Variants in NOD1 observed in about 807,000 individuals in gnomAD.
NOD1 encodes the protein nucleotide-binding oligomerization domain-containing protein 1.
Under a neutral mutation model 81.2 loss-of-function variants are expected in NOD1, and 70 were observed. The observed-to-expected ratio is 0.86, with a 90% CI of 0.71 to 1.05. NOD1 has a LOEUF of 1.05. NOD1 is among the 50% of genes least tolerant of loss of function. The pLI, the probability that NOD1 is intolerant of heterozygous loss-of-function variation, is 0.00. For synonymous variants in NOD1, 508 were observed against 526.9 expected (o/e 0.96, Z 0.49); for missense variants, 1,233 against 1,228.0 (o/e 1.00, Z -0.06).
chr7:30,434,787 C>G (rs915093376), intron 11 of NOD1, among the ~76,000 whole-genome samples: 4 of 152,186 alleles, frequency 2.6e-5, no homozygotes, highest in Admixed American at 6.5e-5. Context: ...AATGCACTTA[C>G]TGGACAGCAG....
At chr7:30,441,079 C>T in intron 9 of NOD1, among the ~76,000 whole-genome samples, 1 of 12,444 alleles carries the variant, frequency 8.0e-5, no homozygotes. Flanking sequence ...CACCACCAGG[C>T]CTGCCCTAAA....
intron 13 of NOD1, among the ~76,000 whole-genome samples, chr7:30,428,762 G>A (rs5743367): frequency 0.17 from 26,083 of 151,984 alleles, 2,975 homozygotes; most frequent in African/African-American, 0.33. Context: ...CCAGTCCCAC[G>A]TCACCCAGGC....
At chr7:30,434,957 T>TAG (rs1254464279) in intron 11 of NOD1, among the ~76,000 whole-genome samples, 2 of 151,784 alleles carry the variant, frequency 1.3e-5, no homozygotes, top group African/African-American at 4.8e-5. Flanking sequence ...TTTTTGTAGA[T>TAG]AGAGGGTCTC....
intron 3 of NOD1, among the ~76,000 whole-genome samples, chr7:30,457,654 A>G (rs1224608169): frequency 1.3e-5 from 2 of 152,110 alleles, no homozygotes; most frequent in Non-Finnish European, 2.9e-5. Flanking sequence ...TTTATTTTAC[A>G]TAATAAGGTT....
intron 12 of NOD1, among the ~76,000 whole-genome samples, chr7:30,432,160 G>A (rs1474678705): frequency 6.6e-6 from 1 of 151,684 alleles, no homozygotes; most frequent in East Asian, 1.9e-4. Flanking sequence ...TCAAGAAAGA[G>A]GAAAAACTCC....
intron 8 of NOD1, chr7:30,446,473 C>T (rs978533564): frequency 7.7e-6 from 4 of 521,672 alleles, no homozygotes; most frequent in South Asian, 6.6e-5. Flanking sequence ...CTGAGCCCTC[C>T]CTGGGGTCCT....
Position 30,451,346 on chromosome 7 carries a change from C to T in NOD1, c.2071G>A (p.Asp691Asn), listed in dbSNP as rs938077961. 1.9e-6 allele frequency: 3 copies of T among 1,614,190 alleles called. No individual in the cohort carries two copies. Among genetic ancestry groups the T allele is most frequent in the African/African-American group, 1.3e-5 (1 of 75,060 alleles). The change falls in exon 6 of 14, where the codon GAC (aspartate) becomes AAC (asparagine). Residue 691 changes from aspartate (D) to asparagine (N), a missense_variant. Coordinates refer to ENST00000222823, the MANE Select transcript of NOD1 (RefSeq NM_006092.4). The surrounding 1 kb of genome is among the most constrained non-coding windows in gnomAD (Gnocchi z 4.2). ...KLTYCNACSA[D>N]CSALSFVLHH... is the part of the protein sequence containing the mutation. Reference sequence around the variant, plus strand: ...AGGACGAAGGAGAGGGCGCTGCAGTCGGCCGAGCAGGCGTTGCAGTAGGTC... The same window carrying T: ...AGGACGAAGGAGAGGGCGCTGCAGTTGGCCGAGCAGGCGTTGCAGTAGGTC...
At position 30,467,189 on chromosome 7, in the gene NOD1, CA is replaced by C. The variant is rs1787783260; in HGVS notation, c.-351-7149del. On this transcript the variant is annotated intron_variant, in intron 1 of 13. Coordinates refer to ENST00000222823, the MANE Select transcript of NOD1 (RefSeq NM_006092.4). The surrounding 1 kb of genome is among the most constrained non-coding windows in gnomAD (Gnocchi z 4.5). ...TGGCTTGCCCACATCCCCTGCCCTCCAAATACACAAAGCACTCCACGTTCTC... is the reference window on the plus strand; with the variant it reads ...TGGCTTGCCCACATCCCCTGCCCTCCAATACACAAAGCACTCCACGTTCTC... 1.3e-5 allele frequency among the ~76,000 whole-genome samples: 2 copies of C among 152,164 alleles called. 1 individual carries two copies. The highest frequency in any genetic ancestry group is 4.8e-5 in the African/African-American group (2 of 41,442).
chr7:30,438,706 A>G (rs900591933), intron 9 of NOD1, among the ~76,000 whole-genome samples: 2 of 152,228 alleles, frequency 1.3e-5, no homozygotes, highest in African/African-American at 4.8e-5. Flanking sequence ...ATTGAATGGC[A>G]TCACATTTTT....
intron 9 of NOD1, 136 bp downstream of exon 9, chr7:30,446,005 A>T (rs1189236119): frequency 4.2e-6 from 3 of 711,724 alleles, no homozygotes; most frequent in Non-Finnish European, 7.5e-6. Context: ...CAGCATGGTG[A>T]AAGCTCTCCA....
In NOD1 at chr7:30,451,262, C is replaced by G. The variant is rs560447579; in HGVS notation, c.2155G>C (p.Gly719Arg). The change falls in exon 6 of 14, where the codon GGC (glycine) becomes CGC (arginine). Residue 719 changes from glycine to arginine, a missense_variant. Physicochemically the swap from Gly to Arg is moderately radical, Grantham distance 125. Coordinates refer to ENST00000222823, the MANE Select transcript of NOD1 (RefSeq NM_006092.4). This position sits in a 1 kb window ranked among gnomAD's most constrained non-coding sequence, Gnocchi z 4.2. ...AAGCAGGGCTGCAGCTCCCGCACGC[C>G]GTAGTCGTTGAGATTGTTGTTGTCT... ...DLDNNNLNDY[G>R]VRELQPCFSR... The G allele has an allele frequency of 2.5e-6, 4 of 1,614,062 alleles. No individual in the cohort carries two copies. Among genetic ancestry groups the G allele is most frequent in the Admixed American group, 1.7e-5 (1 of 60,036 alleles).
chr7:30,451,924 AG>A lies in NOD1; in HGVS notation c.1492del (p.Leu498CysfsTer116), dbSNP rs199476263. 2.5e-6 allele frequency: 4 copies of A among 1,613,518 alleles called. No homozygotes were observed. The African/African-American group carries it at 5.3e-5, about 22-fold the overall frequency. On this transcript the variant is annotated frameshift_variant, in exon 6 of 14. Coordinates refer to ENST00000222823, the MANE Select transcript of NOD1 (RefSeq NM_006092.4). LOFTEE classifies it high-confidence loss of function. This position sits in a 1 kb window ranked among gnomAD's most constrained non-coding sequence, Gnocchi z 4.2. ...LQERDMQLGFLRALPELGPGG... is the reference protein window; with the variant it reads ...LQERDMQLGFXRALPELGPGG... Reference sequence around the variant, plus strand: ...GGGGCCCAGCTCCGGCAAAGCCCGCAGGAAGCCCAGCTGCATGTCTCTCTCC... The same window carrying A: ...GGGGCCCAGCTCCGGCAAAGCCCGCAGAAGCCCAGCTGCATGTCTCTCTCC...
In NOD1 at chr7:30,448,416, G is replaced by A. The variant is rs5743351; in HGVS notation, c.2202-35C>T. 9.7e-4 allele frequency: 1,492 copies of A among 1,533,878 alleles called. 14 individuals carry two copies. The African/African-American group carries it at 0.013, about 14-fold the overall frequency. ...AACAGCAAAAAAATTACGAGTCAGG[G>A]CAGGCACTCATTATGAAGGACCATT... On this transcript the variant is annotated intron_variant, in intron 6 of 13. Coordinates refer to ENST00000222823, the MANE Select transcript of NOD1 (RefSeq NM_006092.4).
chr7:30,458,904 T>C (rs1786703353), intron 3 of NOD1, among the ~76,000 whole-genome samples: 1 of 151,886 alleles, frequency 6.6e-6, no homozygotes, highest in Non-Finnish European at 1.5e-5. Context: ...GCCCAGCTAA[T>C]TTTTGTATTT....
At chr7:30,433,261 G>C in intron 11 of NOD1, 82 bp from the exon 12 acceptor site, 4 of 1,056,958 alleles carry the variant, frequency 3.8e-6, no homozygotes, top group Non-Finnish European at 5.8e-6. Flanking sequence ...CGGGAGCTCA[G>C]CCCAAGGCTC....
At position 30,452,442 on chromosome 7, in the gene NOD1, C is replaced by T. The variant is rs757643865; in HGVS notation, c.975G>A (p.Gly325=). The change falls in exon 6 of 14, where the codon GGG becomes GGA. Residue 325 remains glycine, a synonymous_variant. Transcript: ENST00000222823. Reference sequence around the variant, plus strand: ...TGCGGGCTGTGAGCAGCTTGCTAGCCCCCTTGAGCAGCTTCCCACTGAGCA... The same window carrying T: ...TGCGGGCTGTGAGCAGCTTGCTAGCTCCCTTGAGCAGCTTCCCACTGAGCA... ...ANLLSGKLLK[G]ASKLLTARTG... 2 of 1,613,332 alleles carry T rather than the reference C, an allele frequency of 1.2e-6. No homozygotes were observed. Among genetic ancestry groups the T allele is most frequent in the South Asian group, 1.1e-5 (1 of 91,074 alleles).
At position 30,425,497 on chromosome 7, in the gene NOD1, G is replaced by A; in HGVS notation, c.*141C>T. The stretch of plus-strand genomic sequence containing the variant: ...GACCAGACCTTCTGCACAGGAAGCT[G>A]GCTTGCATCATGGAGGCAGTGGACT... On this transcript the variant is annotated 3_prime_UTR_variant, in exon 14 of 14. Transcript: ENST00000222823. 2 of 678,680 alleles carry A rather than the reference G, an allele frequency of 2.9e-6. No individual in the cohort carries two copies. The highest frequency in any genetic ancestry group is 5.4e-6 in the Non-Finnish European group (2 of 372,794). The allele number at this position is 678,680 out of a possible 1,614,324, so 42.0% of individuals were successfully genotyped here.
chr7:30,433,493 A>G, intron 11 of NOD1: 1 of 406,544 alleles, frequency 2.5e-6, no homozygotes. Context: ...CGGAAAACAA[A>G]GGGCCAATGC....
At chr7:30,461,342 T>C (rs1787051866) in intron 1 of NOD1, among the ~76,000 whole-genome samples, 1 of 152,040 alleles carries the variant, frequency 6.6e-6, no homozygotes, top group Non-Finnish European at 1.5e-5. Flanking sequence ...CATGCCTGGC[T>C]ACTTTTTGTA....
Sources: gnomAD v4.1 joint callset for allele counts (sites outside exome capture counted in the v4.1 genomes callset) on GRCh38, gnomAD v4.1.1 for gene constraint, Gnocchi (gnomAD v3.1) non-coding constraint, MANE v1.5 for transcripts, NCBI Gene and HGNC (gene_info 2026-07-23, HGNC 2026-07-21) for gene names.